VDR: variants seen among roughly 807,000 people sequenced by gnomAD.
VDR encodes the protein vitamin D3 receptor.
VDR carries 19 observed loss-of-function variants against 39.7 expected under a neutral mutation model. The ratio of observed to expected loss-of-function variants is 0.48; its 90% CI spans 0.33 to 0.70. The LOEUF is 0.70. Ranked by LOEUF, VDR falls within the 30% of genes least tolerant of loss-of-function variation. The probability of loss-of-function intolerance (pLI) is 0.02; values close to 1 mark genes in which losing one functional copy is unlikely to be tolerated. For missense variants in VDR, 442 were observed against 570.5 expected, an observed-to-expected ratio of 0.77 and a Z score of 2.29; for synonymous variants, 242 against 215.8, an observed-to-expected ratio of 1.12 and a Z score of -1.07.
At chr12:47,868,530 G>A (rs2137173786) in intron 3 of VDR, among the ~76,000 whole-genome samples, 1 of 152,308 alleles carries the variant, frequency 6.6e-6, no homozygotes. Flanking sequence ...TTTCTGGAGG[G>A]ACAAGAGAAT....
rs114613564 is a variant in VDR, at chr12:47,864,953, G to C, written c.277+94C>G. On this transcript the variant is annotated intron_variant, in intron 4 of 9. Coordinates refer to ENST00000549336, the MANE Select transcript of VDR (RefSeq NM_000376.3). ...TGCTGGCAGCTACAGAGGAAGGGCA[G>C]GCAGACCCTCTGCCCAAACTTGCAG... is the stretch of plus-strand genomic sequence containing the variant. The C allele has an allele frequency of 8.9e-5, 142 of 1,589,458 alleles. 2 individuals are homozygous for C. In the African/African-American group the frequency reaches 1.7e-3, roughly 19 times the overall value.
intron 3 of VDR, among the ~76,000 whole-genome samples, chr12:47,871,466 CTT>C (rs11332250): frequency 1.8e-4 from 21 of 114,486 alleles, no homozygotes; most frequent in East Asian, 4.8e-4. Flanking sequence ...CTCTTTCTTT[CTT>C]TTTTTTTTTT....
In VDR at chr12:47,855,902, C is replaced by A. The variant is rs1945478852; in HGVS notation, c.584-101G>T. 3 of 1,432,398 alleles carry A rather than the reference C, an allele frequency of 2.1e-6. No homozygotes were observed. In the South Asian group the frequency reaches 3.6e-5, roughly 17 times the overall value. 88.7% of individuals were successfully genotyped at this position (1,432,398 alleles called of 1,614,324 possible). The stretch of plus-strand genomic sequence containing the variant: ...AACCTGGTGTGCCCTGGCAGCAGAG[C>A]CAGCTGGGAATCCCACAGTGACTCC... On this transcript the variant is annotated intron_variant, in intron 6 of 9. Transcript: ENST00000549336.
In VDR at chr12:47,882,747, C is replaced by G; in HGVS notation, c.-56G>C. The G allele has an allele frequency of 7.2e-6, 11 of 1,531,918 alleles. No individual in the cohort carries two copies. The highest frequency in any genetic ancestry group is 9.6e-6 in the Non-Finnish European group (11 of 1,145,032). 94.9% of individuals were successfully genotyped at this position (1,531,918 alleles called of 1,614,324 possible). On this transcript the variant is annotated 5_prime_UTR_variant, in exon 2 of 10. Transcript: ENST00000549336. Reference sequence around the variant, plus strand: ...GCCCAGGGGTGCTCTTCTGTGAGGTCTCACAGACACTTCAGACCCAAAGGC... The same window carrying G: ...GCCCAGGGGTGCTCTTCTGTGAGGTGTCACAGACACTTCAGACCCAAAGGC...
chr12:47,894,738 G>A (rs966199589), intron 1 of VDR, among the ~76,000 whole-genome samples: 12 of 152,222 alleles, frequency 7.9e-5, no homozygotes, highest in African/African-American at 2.9e-4. Context: ...GGGTGGGGCG[G>A]GGGAGGCTGG....
intron 7 of VDR, among the ~76,000 whole-genome samples, chr12:47,848,221 G>T (rs1253088705): frequency 6.6e-6 from 1 of 151,966 alleles, no homozygotes; most frequent in African/African-American, 2.4e-5. Context: ...TGTAGGGATG[G>T]TGTCTCACTA....
intron 7 of VDR, among the ~76,000 whole-genome samples, chr12:47,854,167 G>T (rs1460481398): frequency 6.6e-6 from 1 of 152,060 alleles, no homozygotes; most frequent in Non-Finnish European, 1.5e-5. Context: ...TGTTGCCCAG[G>T]CTGGAGTGCA....
chr12:47,859,923 T>TTTTCTTTC (rs778112133), intron 4 of VDR, among the ~76,000 whole-genome samples: 1,768 of 50,822 alleles, frequency 0.035, 40 homozygotes, highest in Middle Eastern at 0.062. Flanking sequence ...CCTTCTTTCT[T>TTTTCTTTC]TTTCTTTCTT....
At chr12:47,850,109 C>T (rs1026201026) in intron 7 of VDR, among the ~76,000 whole-genome samples, 1 of 152,192 alleles carries the variant, frequency 6.6e-6, no homozygotes, top group Non-Finnish European at 1.5e-5. Flanking sequence ...ACCTTGGCCT[C>T]CCAAAGTTCT....
intron 1 of VDR, among the ~76,000 whole-genome samples, chr12:47,902,056 C>A (rs949732489): frequency 3.7e-4 from 56 of 152,364 alleles, no homozygotes; most frequent in Admixed American, 3.2e-3. Context: ...AAGCCTCCCC[C>A]AACCTTATCA....
Position 47,844,909 on chromosome 12 carries a change from G to A in VDR, c.1121C>T (p.Pro374Leu), listed in dbSNP as rs200556498. Residue 374 changes from proline to leucine, a missense_variant, in exon 10 of 10, where the codon CCG becomes CTG. Physicochemically the swap from Pro to Leu is moderately conservative, Grantham distance 98 (BLOSUM62 -3). This residue lies in a region of VDR where 173 missense variants were observed against 252.0 expected (regional missense o/e 0.69). Transcript: ENST00000549336. The stretch of plus-strand genomic sequence containing the variant: ...CTTGGCATAGAGCAGGTGGCTGCCC[G>A]GGGGCGGGTGGCGGCAGCGGATGTA... ...QTYIRCRHPP[P>L]GSHLLYAKMI... 28 of 1,613,990 alleles carry A rather than the reference G, an allele frequency of 1.7e-5. No homozygotes were observed. The South Asian group carries it at 1.8e-4, about 10-fold the overall frequency.
chr12:47,858,523 G>T lies in VDR; in HGVS notation c.278-835C>A, dbSNP rs565594875. 8.5e-5 allele frequency among the ~76,000 whole-genome samples: 13 copies of T among 152,370 alleles called. 1 individual carries two copies. In the South Asian group the frequency reaches 2.7e-3, roughly 32 times the overall value. Reference sequence around the variant, plus strand: ...AAGTTCTCTCCAGCCACTAATCAGGGTGTGGGGCCATAGAGAGCCCCACCA... The same window carrying T: ...AAGTTCTCTCCAGCCACTAATCAGGTTGTGGGGCCATAGAGAGCCCCACCA... On this transcript the variant is annotated intron_variant, in intron 4 of 9. Transcript: ENST00000549336.
Position 47,855,804 on chromosome 12 carries a change from G to T in VDR, c.584-3C>A. 1 of 1,613,674 alleles carries T rather than the reference G, an allele frequency of 6.2e-7. No homozygotes were observed. The highest frequency in any genetic ancestry group is 1.7e-5 in the Admixed American group (1 of 60,026). ...GAAGCTGGACGAGTCCATCATGTCTGGGAGAGATGAGGGAAGAGAAGGAGC... is the reference window on the plus strand; with the variant it reads ...GAAGCTGGACGAGTCCATCATGTCTTGGAGAGATGAGGGAAGAGAAGGAGC... On this transcript the variant is annotated splice_polypyrimidine_tract_variant and splice_region_variant and intron_variant, in intron 6 of 9. Transcript: ENST00000549336.
intron 7 of VDR, among the ~76,000 whole-genome samples, chr12:47,848,240 A>G (rs1210641981): frequency 6.6e-6 from 1 of 152,058 alleles, no homozygotes; most frequent in Non-Finnish European, 1.5e-5. Flanking sequence ...TATGTGGCCC[A>G]GGCTGGTCTC....
chr12:47,844,966 A>T lies in VDR; in HGVS notation c.1064T>A (p.Ile355Asn). ...CAGTGTGTTGGACAGGCGGTCCTGG[A>T]TGGCCTCAATCAGCGCGGCGTCCTG... is the stretch of plus-strand genomic sequence containing the variant. The part of the protein sequence containing the change: ...GVQDAALIEA[I>N]QDRLSNTLQT... Residue 355 changes from isoleucine (I) to asparagine (N), a missense_variant, in exon 10 of 10, where the codon ATC becomes AAC. By Grantham distance (149) the Ile-to-Asn change is moderately radical (BLOSUM62 -3). Coordinates refer to ENST00000549336, the MANE Select transcript of VDR (RefSeq NM_000376.3). 6.2e-7 allele frequency: 1 copy of T among 1,613,874 alleles called. No homozygotes were observed. Among genetic ancestry groups the T allele is most frequent in the Non-Finnish European group, 8.5e-7 (1 of 1,179,972 alleles).
At chr12:47,895,311 C>T (rs1007989571) in intron 1 of VDR, among the ~76,000 whole-genome samples, 4 of 152,198 alleles carry the variant, frequency 2.6e-5, no homozygotes, top group Non-Finnish European at 5.9e-5. Flanking sequence ...AGACCCTATC[C>T]TCTGTTAGTT....
At chr12:47,901,584 T>C (rs754222198) in intron 1 of VDR, 1 of 154,896 alleles carries the variant, frequency 6.5e-6, no homozygotes, top group Non-Finnish European at 1.5e-5. Context: ...ACCTATGTCC[T>C]TTATCAGAGT....
At chr12:47,887,407 C>T (rs530742221) in intron 1 of VDR, among the ~76,000 whole-genome samples, 1 of 151,034 alleles carries the variant, frequency 6.6e-6, no homozygotes, top group African/African-American at 2.4e-5. Flanking sequence ...TTAGACTTTT[C>T]TAAGACACTA....
intron 7 of VDR, among the ~76,000 whole-genome samples, chr12:47,851,490 A>T (rs1945386941): frequency 6.6e-6 from 1 of 152,110 alleles, no homozygotes; most frequent in Non-Finnish European, 1.5e-5. Flanking sequence ...ACACCCACAC[A>T]GAAGTCTCAT....
Sources: gnomAD v4.1 joint callset for allele counts (sites outside exome capture counted in the v4.1 genomes callset) on GRCh38, gnomAD v4.1.1 for gene constraint, gnomAD v4.1.1 regional missense constraint, MANE v1.5 for transcripts, NCBI Gene and HGNC (gene_info 2026-07-23, HGNC 2026-07-21) for gene names.